Variants in LARGE1 observed in about 807,000 individuals in gnomAD.
LARGE1 encodes xylosyl- and glucuronyltransferase LARGE1.
In LARGE1, 43 loss-of-function variants were observed where a neutral mutation model predicts 87.6. The ratio of observed to expected loss-of-function variants is 0.49; its 90% CI spans 0.38 to 0.63. The LOEUF (loss-of-function observed/expected upper bound fraction) is 0.63. LARGE1 is among the 30% of genes least tolerant of loss of function. The pLI, the probability that LARGE1 is intolerant of heterozygous loss-of-function variation, is 0.00. For missense variants in LARGE1, 802 were observed against 1,000.2 expected (o/e 0.80, Z 2.67); for synonymous variants, 434 against 394.6 (o/e 1.10, Z -1.18).
intron 1 of LARGE1, among the ~76,000 whole-genome samples, chr22:33,896,023 A>G (rs75982586): frequency 0.022 from 3,405 of 152,200 alleles, 134 homozygotes; most frequent in African/African-American, 0.076. Context: ...CATTACCAAC[A>G]CCCACCTCCA....
intron 1 of LARGE1, among the ~76,000 whole-genome samples, chr22:33,768,673 C>A (rs2084978505): frequency 6.6e-6 from 1 of 152,180 alleles, no homozygotes; most frequent in Non-Finnish European, 1.5e-5. Flanking sequence ...ATTACTTGAT[C>A]TCTCTTCATT....
At chr22:33,802,362 C>T (rs1300201498) in intron 1 of LARGE1, among the ~76,000 whole-genome samples, 1 of 152,204 alleles carries the variant, frequency 6.6e-6, no homozygotes, top group African/African-American at 2.4e-5. Flanking sequence ...CCAGACTAGA[C>T]AGGCTGGGAG....
At chr22:33,513,164 G>A (rs1231489331) in intron 6 of LARGE1, among the ~76,000 whole-genome samples, 1 of 152,166 alleles carries the variant, frequency 6.6e-6, no homozygotes, top group Non-Finnish European at 1.5e-5. Flanking sequence ...TAAAAGAAAG[G>A]CACCGCGGGA....
At chr22:33,794,900 G>A (rs964709404) in intron 1 of LARGE1, among the ~76,000 whole-genome samples, 1 of 144,586 alleles carries the variant, frequency 6.9e-6, no homozygotes, top group Non-Finnish European at 1.5e-5. Context: ...GATTACCATC[G>A]TGAGTCACCG....
chr22:33,790,300 A>C (rs1228778639), intron 1 of LARGE1, among the ~76,000 whole-genome samples: 1 of 152,122 alleles, frequency 6.6e-6, no homozygotes, highest in East Asian at 1.9e-4. Context: ...GAGTCCATTA[A>C]ACCTTTTTCC....
At chr22:33,084,841 G>C in the LARGE1 span, among the ~76,000 whole-genome samples, 299 of 152,168 alleles carry the variant, frequency 2.0e-3, 1 homozygote, top group Admixed American at 0.016. Flanking sequence ...TTATCAACTA[G>C]ATAGTTCACA....
At chr22:33,229,415 C>T (rs953226331) in intron 11 of LARGE1, among the ~76,000 whole-genome samples, 4 of 151,310 alleles carry the variant, frequency 2.6e-5, no homozygotes, top group African/African-American at 9.7e-5. Flanking sequence ...AAAGACAAAA[C>T]AGAAATTATA....
At chr22:33,698,321 G>A (rs1457529895) in intron 2 of LARGE1, among the ~76,000 whole-genome samples, 6 of 150,680 alleles carry the variant, frequency 4.0e-5, no homozygotes, top group South Asian at 2.1e-4. Context: ...CGATCTGCCC[G>A]CCTTAGCCTC....
chr22:33,491,776 C>A (rs531581419), intron 6 of LARGE1, among the ~76,000 whole-genome samples: 3 of 152,140 alleles, frequency 2.0e-5, no homozygotes, highest in African/African-American at 4.8e-5. Flanking sequence ...GTCTTGAAGG[C>A]TAGTATTGCA....
At chr22:33,122,267 C>T in the LARGE1 span, among the ~76,000 whole-genome samples, 2 of 151,958 alleles carry the variant, frequency 1.3e-5, no homozygotes, top group African/African-American at 4.8e-5. Context: ...CCCCTCCACA[C>T]AGTAAATGGT....
chr22:33,586,370 C>G (rs1278556624), intron 5 of LARGE1, among the ~76,000 whole-genome samples: 1 of 152,118 alleles, frequency 6.6e-6, no homozygotes, highest in African/African-American at 2.4e-5. Flanking sequence ...AAGTCATATG[C>G]AGGTGAGCCA....
At chr22:33,742,115 T>C (rs935328544) in intron 2 of LARGE1, among the ~76,000 whole-genome samples, 1 of 152,184 alleles carries the variant, frequency 6.6e-6, no homozygotes, top group Non-Finnish European at 1.5e-5. Context: ...AGCAAAATCA[T>C]GGTCCCTGGA....
At chr22:33,698,878 G>A (rs2149362802) in intron 2 of LARGE1, among the ~76,000 whole-genome samples, 1 of 152,290 alleles carries the variant, frequency 6.6e-6, no homozygotes, top group South Asian at 2.1e-4. Context: ...CTAACACCCT[G>A]CTCCCCTGAC....
the LARGE1 span, among the ~76,000 whole-genome samples, chr22:33,090,411 A>C: frequency 1.3e-5 from 2 of 152,182 alleles, no homozygotes; most frequent in Non-Finnish European, 2.9e-5. Flanking sequence ...TAATTTAAAC[A>C]GAATTCTCCA....
intron 7 of LARGE1, among the ~76,000 whole-genome samples, chr22:33,411,263 C>G (rs2147444660): frequency 6.6e-6 from 1 of 152,294 alleles, no homozygotes; most frequent in Non-Finnish European, 1.5e-5. Context: ...AATGCTGCAG[C>G]CAGGCAGAGT....
intron 1 of LARGE1, among the ~76,000 whole-genome samples, chr22:33,778,736 C>T (rs1330600210): frequency 2.0e-5 from 3 of 152,102 alleles, no homozygotes; most frequent in African/African-American, 7.2e-5. Flanking sequence ...CTGCACCCTC[C>T]GCCTCCTGAG....
chr22:33,223,903 T>C (rs1048235722), intron 11 of LARGE1, among the ~76,000 whole-genome samples: 4 of 152,112 alleles, frequency 2.6e-5, no homozygotes, highest in South Asian at 2.1e-4. Flanking sequence ...AATTCACAAA[T>C]GCTCACCCAG....
chr22:33,126,198 G>C, the LARGE1 span, among the ~76,000 whole-genome samples: 2 of 152,206 alleles, frequency 1.3e-5, no homozygotes, highest in Non-Finnish European at 2.9e-5. Flanking sequence ...GACACGGCTG[G>C]AAGTTTCAGG....
the LARGE1 span, chr22:33,109,197 A>G: frequency 7.2e-5 from 11 of 152,264 alleles, no homozygotes; most frequent in Middle Eastern, 3.4e-3. Context: ...GGAAGTCTCA[A>G]CACAGAGCCC....
Sources: gnomAD v4.1 joint callset for allele counts (sites outside exome capture counted in the v4.1 genomes callset) on GRCh38, gnomAD v4.1.1 for gene constraint, MANE v1.5 for transcripts, NCBI Gene and HGNC (gene_info 2026-07-23, HGNC 2026-07-21) for gene names.